The following GIGYF2 variants were observed in gnomAD, a reference collection of about 807,000 sequenced individuals.
GIGYF2 encodes GRB10 interacting GYF protein 2.
GIGYF2 carries 25 observed loss-of-function variants against 208.1 expected under a neutral mutation model. That is an observed-to-expected ratio of 0.12 (90% confidence interval 0.09 to 0.17). The LOEUF (loss-of-function observed/expected upper bound fraction) is 0.17, where lower values mean the gene tolerates loss of function less well. GIGYF2 is among the 10% of genes least tolerant of loss of function. The pLI, the probability that GIGYF2 is intolerant of heterozygous loss-of-function variation, is 1.00. For missense variants in GIGYF2, 1,302 were observed against 1,579.4 expected, an observed-to-expected ratio of 0.82 and a Z score of 2.98; for synonymous variants, 534 against 543.8, an observed-to-expected ratio of 0.98 and a Z score of 0.25.
chr2:232,732,864 A>G (rs1697564154), intron 2 of GIGYF2, among the ~76,000 whole-genome samples: 1 of 152,114 alleles, frequency 6.6e-6, no homozygotes, highest in African/African-American at 2.4e-5. Flanking sequence ...TTCCGGGCTC[A>G]AGCGATCCAC....
intron 3 of GIGYF2, among the ~76,000 whole-genome samples, chr2:232,741,031 T>C (rs1697949394): frequency 1.3e-5 from 2 of 152,224 alleles, no homozygotes; most frequent in Admixed American, 1.3e-4. Flanking sequence ...ATGGGGAAGC[T>C]GACACTAAAT....
intron 20 of GIGYF2, among the ~76,000 whole-genome samples, chr2:232,818,987 C>CT (rs1258853626): frequency 3.3e-5 from 5 of 150,008 alleles, no homozygotes; most frequent in Non-Finnish European, 7.4e-5. Context: ...TTTTCTTTTT[C>CT]TTTTTTTGTT....
In GIGYF2 at chr2:232,822,956, A is replaced by G. The variant is rs76928776; in HGVS notation, c.2529+2971A>G. ...CAGTATTGGGGTGAAAATGTCCGGTATTTCACCATTAAATATATTGATAGT... is the reference window on the plus strand; with the variant it reads ...CAGTATTGGGGTGAAAATGTCCGGTGTTTCACCATTAAATATATTGATAGT... On this transcript the variant is annotated intron_variant, in intron 21 of 28. Transcript: ENST00000373563. Among the ~76,000 whole-genome samples the G allele has an allele frequency of 8.6e-3, 1,317 of 152,262 alleles. 25 individuals carry two copies. Among genetic ancestry groups the G allele is most frequent in the East Asian group, 0.062 (318 of 5,170 alleles).
chr2:232,816,254 T>G (rs1018648321), intron 19 of GIGYF2, among the ~76,000 whole-genome samples: 2 of 152,222 alleles, frequency 1.3e-5, no homozygotes, highest in African/African-American at 4.8e-5. Context: ...GAAAAGAATG[T>G]CTACATCAAT....
intron 15 of GIGYF2, among the ~76,000 whole-genome samples, chr2:232,807,246 C>T: frequency 6.6e-6 from 1 of 152,156 alleles, no homozygotes; most frequent in East Asian, 1.9e-4. Flanking sequence ...CATGGCCGGG[C>T]ACATTGGCTC....
intron 2 of GIGYF2, among the ~76,000 whole-genome samples, chr2:232,706,894 C>T (rs143913735): frequency 2.7e-4 from 41 of 150,032 alleles, no homozygotes; most frequent in Non-Finnish European, 4.1e-4. Flanking sequence ...TGTACTGAGC[C>T]GTGATTGCAC....
At chr2:232,707,676 C>T (rs1187429999) in intron 2 of GIGYF2, among the ~76,000 whole-genome samples, 1 of 138,930 alleles carries the variant, frequency 7.2e-6, no homozygotes, top group Non-Finnish European at 1.5e-5. Context: ...TTCGCTCTTT[C>T]ATCCAGGCTG....
At chr2:232,815,141 AAATT>A (rs1163160392) in intron 18 of GIGYF2, among the ~76,000 whole-genome samples, 1 of 152,196 alleles carries the variant, frequency 6.6e-6, no homozygotes, top group East Asian at 1.9e-4. Context: ...ATTTAACACA[AAATT>A]AACCATTTTA....
chr2:232,845,067 A>C (rs1701955655), intron 25 of GIGYF2, among the ~76,000 whole-genome samples: 1 of 152,154 alleles, frequency 6.6e-6, no homozygotes, highest in Non-Finnish European at 1.5e-5. Flanking sequence ...TTTAGTGTTA[A>C]ATACATGAAC....
Position 232,732,900 on chromosome 2 carries a change from G to A in GIGYF2, c.-43-2255G>A, listed in dbSNP as rs1697566201. Among the ~76,000 whole-genome samples the A allele has an allele frequency of 2.0e-5, 3 of 152,156 alleles. No homozygotes were observed. The South Asian group carries it at 6.2e-4, about 32-fold the overall frequency. The stretch of plus-strand genomic sequence containing the variant: ...CCACCTTGGCCTCCCAAAGTGCTGG[G>A]ATTACAGGTATGAGCCACCATGCTC... On this transcript the variant is annotated intron_variant, in intron 2 of 28. Transcript: ENST00000373563.
At chr2:232,832,371 G>A (rs916355691) in intron 21 of GIGYF2, among the ~76,000 whole-genome samples, 1 of 152,222 alleles carries the variant, frequency 6.6e-6, no homozygotes, top group African/African-American at 2.4e-5. Context: ...GTTGAGGAGA[G>A]ATGTTCTGAA....
intron 20 of GIGYF2, among the ~76,000 whole-genome samples, chr2:232,817,475 A>C (rs542089162): frequency 6.6e-6 from 1 of 152,338 alleles, no homozygotes; most frequent in African/African-American, 2.4e-5. Flanking sequence ...CAACCCTCAC[A>C]AACATGTCTG....
intron 3 of GIGYF2, among the ~76,000 whole-genome samples, chr2:232,746,241 C>T (rs137974416): frequency 1.5e-3 from 225 of 151,174 alleles, no homozygotes; most frequent in East Asian, 1.4e-3. Context: ...TTAAATATTA[C>T]TTTATTCTTG....
intron 20 of GIGYF2, among the ~76,000 whole-genome samples, chr2:232,817,887 A>C (rs1355513242): frequency 6.6e-6 from 1 of 152,154 alleles, no homozygotes; most frequent in Non-Finnish European, 1.5e-5. Flanking sequence ...CTTTCCTAGA[A>C]GTGGAGTTGC....
chr2:232,849,179 T>C (rs1181180086), intron 27 of GIGYF2, among the ~76,000 whole-genome samples: 1 of 152,140 alleles, frequency 6.6e-6, no homozygotes, highest in East Asian at 1.9e-4. Flanking sequence ...CAAATTTTTT[T>C]TTTGGGAGGA....
chr2:232,801,973 G>C (rs1166356145), intron 14 of GIGYF2, among the ~76,000 whole-genome samples: 2 of 152,054 alleles, frequency 1.3e-5, no homozygotes, highest in African/African-American at 4.8e-5. Flanking sequence ...AGTTTTCTTT[G>C]TACAAGATTT....
intron 12 of GIGYF2, among the ~76,000 whole-genome samples, chr2:232,791,941 C>T (rs906041557): frequency 2.6e-5 from 4 of 152,168 alleles, no homozygotes; most frequent in Non-Finnish European, 4.4e-5. Context: ...GTTGCTCATA[C>T]ACTTTATTAG....
chr2:232,776,664 G>C (rs964438194), intron 8 of GIGYF2: 3 of 572,278 alleles, frequency 5.2e-6, no homozygotes, highest in Non-Finnish European at 9.4e-6. Flanking sequence ...GGGCCAATTA[G>C]CTCTGATCAT....
chr2:232,756,619 G>C (rs1470454809), intron 6 of GIGYF2, among the ~76,000 whole-genome samples: 1 of 152,140 alleles, frequency 6.6e-6, no homozygotes, highest in Non-Finnish European at 1.5e-5. Flanking sequence ...TCCCTGGAGA[G>C]CCTTACACTC....
Sources: gnomAD v4.1 joint callset for allele counts (sites outside exome capture counted in the v4.1 genomes callset) on GRCh38, gnomAD v4.1.1 for gene constraint, MANE v1.5 for transcripts, NCBI Gene and HGNC (gene_info 2026-07-23, HGNC 2026-07-21) for gene names.